The following ERC2 variants were observed in gnomAD, a reference collection of about 807,000 sequenced individuals.
ERC2 encodes ERC protein 2.
Under a neutral mutation model 114.8 loss-of-function variants are expected in ERC2, and 42 were observed. That is an observed-to-expected ratio of 0.37 (90% confidence interval 0.29 to 0.47). The LOEUF (loss-of-function observed/expected upper bound fraction) is 0.47. Ranked by LOEUF, ERC2 falls within the 20% of genes least tolerant of loss-of-function variation. ERC2 has a pLI of 0.99. For missense variants in ERC2, 939 were observed against 1,150.7 expected (o/e 0.82, Z 2.66); for synonymous variants, 454 against 425.5 (o/e 1.07, Z -0.82).
At chr3:55,848,871 C>G (rs2061466812) in intron 14 of ERC2, among the ~76,000 whole-genome samples, 1 of 152,218 alleles carries the variant, frequency 6.6e-6, no homozygotes, top group Admixed American at 6.5e-5. Context: ...TTTCATTCTT[C>G]TAAGTGTGCC....
intron 7 of ERC2, among the ~76,000 whole-genome samples, chr3:56,047,221 T>C (rs2075519319): frequency 6.6e-6 from 1 of 152,260 alleles, no homozygotes; most frequent in African/African-American, 2.4e-5. Context: ...CATGTAATTT[T>C]GGAATCTCAC....
At chr3:55,992,501 G>A (rs577302285) in intron 10 of ERC2, among the ~76,000 whole-genome samples, 8 of 152,282 alleles carry the variant, frequency 5.3e-5, no homozygotes, top group African/African-American at 1.7e-4. Context: ...TCCATTAAAT[G>A]TTGCTACTTT....
At chr3:55,795,523 C>T (rs749370008) in intron 14 of ERC2, among the ~76,000 whole-genome samples, 4 of 152,192 alleles carry the variant, frequency 2.6e-5, no homozygotes, top group African/African-American at 4.8e-5. Context: ...TCCTTTTCCC[C>T]GTTTAACTTG....
intron 13 of ERC2, among the ~76,000 whole-genome samples, chr3:55,900,891 A>C (rs1176800210): frequency 6.6e-6 from 1 of 152,228 alleles, no homozygotes; most frequent in Non-Finnish European, 1.5e-5. Flanking sequence ...ATTCCCAAAG[A>C]AGCAGACCAT....
chr3:55,833,362 AG>A (rs1473034902), intron 14 of ERC2, among the ~76,000 whole-genome samples: 1 of 151,200 alleles, frequency 6.6e-6, no homozygotes, highest in East Asian at 1.9e-4. Context: ...CCAGAGAGAA[AG>A]GTCGGGTTAC....
At chr3:55,824,220 G>A (rs1327595949) in intron 14 of ERC2, among the ~76,000 whole-genome samples, 1 of 152,126 alleles carries the variant, frequency 6.6e-6, no homozygotes, top group South Asian at 2.1e-4. Flanking sequence ...TAGAATTGAG[G>A]GGGTGGCCAA....
intron 13 of ERC2, among the ~76,000 whole-genome samples, chr3:55,931,908 T>C (rs981988438): frequency 1.1e-3 from 167 of 152,218 alleles, no homozygotes; most frequent in Non-Finnish European, 2.9e-4. Flanking sequence ...TAAGCTGTTT[T>C]CTGCATTTGT....
intron 17 of ERC2, chr3:55,659,279 T>C (rs1440877212): frequency 5.3e-5 from 8 of 152,178 alleles, no homozygotes; most frequent in Non-Finnish European, 1.2e-4. Context: ...AAATGGCAAA[T>C]TATAAGCCCG....
chr3:55,651,780 G>T (rs1018186121), intron 17 of ERC2, among the ~76,000 whole-genome samples: 6 of 152,204 alleles, frequency 3.9e-5, no homozygotes, highest in Non-Finnish European at 7.3e-5. Context: ...ATTATTCTCT[G>T]ATTGGTGTTT....
At chr3:55,795,032 C>T (rs4459870) in intron 14 of ERC2, among the ~76,000 whole-genome samples, 50,219 of 152,078 alleles carry the variant, frequency 0.33, 10,155 homozygotes, top group African/African-American at 0.57. Context: ...GAGCCTGTTA[C>T]ATTAGCCAGC....
At chr3:55,888,749 G>A (rs113519812) in intron 13 of ERC2, among the ~76,000 whole-genome samples, 200 bp from the exon 14 acceptor site, 1 of 152,082 alleles carries the variant, frequency 6.6e-6, no homozygotes, top group African/African-American at 2.4e-5. Flanking sequence ...ATGGACTCTG[G>A]GGAGTTGTGG....
At chr3:56,025,249 C>T (rs906397409) in intron 7 of ERC2, among the ~76,000 whole-genome samples, 1 of 152,158 alleles carries the variant, frequency 6.6e-6, no homozygotes, top group Non-Finnish European at 1.5e-5. Flanking sequence ...GATTTAAACA[C>T]AAAGATTTAA....
At chr3:56,255,945 C>T (rs921111124) in intron 3 of ERC2, among the ~76,000 whole-genome samples, 1 of 152,172 alleles carries the variant, frequency 6.6e-6, no homozygotes, top group Non-Finnish European at 1.5e-5. Flanking sequence ...TGACAAGATT[C>T]CCAGGTACAT....
intron 3 of ERC2, among the ~76,000 whole-genome samples, chr3:56,274,676 T>C (rs2053881080): frequency 1.3e-5 from 2 of 152,200 alleles, no homozygotes; most frequent in African/African-American, 4.8e-5. Context: ...CTTTATTATA[T>C]ATTATTTAAA....
chr3:56,024,890 T>C (rs1169319870), intron 7 of ERC2, among the ~76,000 whole-genome samples: 1 of 152,206 alleles, frequency 6.6e-6, no homozygotes, highest in East Asian at 1.9e-4. Context: ...TTACCAGTCT[T>C]TGACAAGATA....
At chr3:56,085,925 A>C (rs2077476501) in intron 6 of ERC2, among the ~76,000 whole-genome samples, 1 of 152,136 alleles carries the variant, frequency 6.6e-6, no homozygotes, top group Admixed American at 6.6e-5. Context: ...ATCTGGACTA[A>C]AGGAAATGCC....
chr3:56,159,296 GA>G (rs1241523816), intron 4 of ERC2, among the ~76,000 whole-genome samples: 1 of 151,996 alleles, frequency 6.6e-6, no homozygotes, highest in Non-Finnish European at 1.5e-5. Flanking sequence ...TTTCATTATA[GA>G]AATGTGAGAA....
intron 15 of ERC2, among the ~76,000 whole-genome samples, chr3:55,703,617 C>T (rs1411114346): frequency 1.3e-5 from 2 of 152,198 alleles, no homozygotes; most frequent in Non-Finnish European, 2.9e-5. Flanking sequence ...ATTGCCCTTG[C>T]ACTCTCCATC....
chr3:55,909,663 C>G (rs2064685280), intron 13 of ERC2, among the ~76,000 whole-genome samples: 1 of 152,080 alleles, frequency 6.6e-6, no homozygotes, highest in African/African-American at 2.4e-5. Flanking sequence ...GGCACGGACC[C>G]TGAGCATCCC....
Sources: gnomAD v4.1 joint callset for allele counts (sites outside exome capture counted in the v4.1 genomes callset) on GRCh38, gnomAD v4.1.1 for gene constraint, MANE v1.5 for transcripts, NCBI Gene and HGNC (gene_info 2026-07-23, HGNC 2026-07-21) for gene names.